GJA3: variants seen among roughly 807,000 people sequenced by gnomAD.
GJA3 encodes the protein gap junction protein alpha 3, also known as gap junction alpha-3 protein.
For missense variants in GJA3, 571 were observed against 620.3 expected (o/e 0.92, Z 0.84); for synonymous variants, 297 against 292.6 (o/e 1.02, Z -0.15).
In GJA3 at chr13:20,139,224, A is replaced by G. The variant is rs1264532359; in HGVS notation, c.*2757T>C. On this transcript the variant is annotated 3_prime_UTR_variant, in exon 2 of 2. Coordinates refer to ENST00000241125, the MANE Select transcript of GJA3 (RefSeq NM_021954.4). ...AACATTTTATAAAAACAGGGATATA[A>G]GAAGTAATTGTATACAGCAGCTTAA... 6.6e-6 allele frequency: 1 copy of G among 152,150 alleles called. No individual in the cohort carries two copies. The highest frequency in any genetic ancestry group is 2.4e-5 in the African/African-American group (1 of 41,436). The allele number at this position is 152,150 out of a possible 1,614,324, so 9.4% of individuals were successfully genotyped here. A position where few individuals can be genotyped will look rare whatever the true frequency, so the allele number is the denominator to read the frequency against.
chr13:20,142,853 G>C lies in GJA3; in HGVS notation c.436C>G (p.Leu146Val). The change falls in exon 2 of 2, where the codon CTG becomes GTG. Residue 146 changes from leucine (L) to valine (V), a missense_variant. By Grantham distance (32) the Leu-to-Val change is conservative. Transcript: ENST00000241125. Reference protein sequence around the residue: ...RGRVRMAGALLRTYVFNIIFK... With the variant: ...RGRVRMAGALVRTYVFNIIFK... ...ATGATGTTGAAGACGTAGGTCCGCA[G>C]CAGCGCCCCGGCCATGCGCACCCTG... 1 of 1,612,350 alleles carries C rather than the reference G, an allele frequency of 6.2e-7. No homozygotes were observed. Among genetic ancestry groups the C allele is most frequent in the South Asian group, 1.1e-5 (1 of 90,922 alleles).
intron 1 of GJA3, among the ~76,000 whole-genome samples, chr13:20,145,107 G>C (rs1958834435): frequency 6.6e-6 from 1 of 152,172 alleles, no homozygotes; most frequent in Non-Finnish European, 1.5e-5. Flanking sequence ...GCTTGAACCT[G>C]GAAGGCAGAG....
At position 20,142,820 on chromosome 13, in the gene GJA3, T is replaced by A. The variant is rs1310959599; in HGVS notation, c.469A>T (p.Thr157Ser). ...GCGATGAAGCCCACCTCGAACAGCG[T>A]CTTGAAGATGATGTTGAAGACGTAG... Reference protein sequence around the residue: ...RTYVFNIIFKTLFEVGFIAGQ... With the variant: ...RTYVFNIIFKSLFEVGFIAGQ... The change falls in exon 2 of 2, where the codon ACG becomes TCG. Residue 157 changes from threonine to serine, a missense_variant. Thr to Ser is a moderately conservative substitution (Grantham distance 58, BLOSUM62 1). Transcript: ENST00000241125. 1 of 1,613,420 alleles carries A rather than the reference T, an allele frequency of 6.2e-7. No individual in the cohort carries two copies. Among genetic ancestry groups the A allele is most frequent in the Admixed American group, 1.7e-5 (1 of 60,018 alleles).
intron 1 of GJA3, among the ~76,000 whole-genome samples, chr13:20,153,791 A>T (rs908159503): frequency 3.2e-5 from 4 of 126,562 alleles, no homozygotes; most frequent in Admixed American, 7.9e-5. Flanking sequence ...ATAATAATAA[A>T]AAATTAAATT....
At chr13:20,154,888 T>C (rs1958898983) in intron 1 of GJA3, among the ~76,000 whole-genome samples, 1 of 152,228 alleles carries the variant, frequency 6.6e-6, no homozygotes, top group African/African-American at 2.4e-5. Flanking sequence ...CCTTGCTCTG[T>C]CACTCAGGAT....
chr13:20,151,068 T>G (rs1593337890), intron 1 of GJA3, among the ~76,000 whole-genome samples: 3 of 61,524 alleles, frequency 4.9e-5, no homozygotes, highest in Admixed American at 2.3e-4. Context: ...CCAGATGGGG[T>G]GGTGTGGGTG....
At chr13:20,146,163 C>A (rs1031146103) in intron 1 of GJA3, among the ~76,000 whole-genome samples, 7 of 152,228 alleles carry the variant, frequency 4.6e-5, no homozygotes, top group African/African-American at 1.7e-4. Flanking sequence ...GCAGTCTACA[C>A]GAGGTGCTGG....
chr13:20,144,941 G>C (rs1335716399), intron 1 of GJA3, among the ~76,000 whole-genome samples: 1 of 152,230 alleles, frequency 6.6e-6, no homozygotes, highest in Admixed American at 6.5e-5. Context: ...AGCACTTTGG[G>C]AGGCTAAGGC....
chr13:20,148,568 T>C (rs1566517220), intron 1 of GJA3, among the ~76,000 whole-genome samples: 1 of 152,164 alleles, frequency 6.6e-6, no homozygotes, highest in Non-Finnish European at 1.5e-5. Flanking sequence ...CTGATATCAC[T>C]TTGTAATCAT....
At chr13:20,157,416 CAGA>C (rs968071602) in intron 1 of GJA3, among the ~76,000 whole-genome samples, 3 of 152,192 alleles carry the variant, frequency 2.0e-5, no homozygotes, top group Non-Finnish European at 2.9e-5. Flanking sequence ...TCATTATCGA[CAGA>C]AGAAATATGG....
rs1358074056 is a variant in GJA3, at chr13:20,142,318, G to T, written c.971C>A (p.Thr324Asn). The T allele has an allele frequency of 2.5e-6, 4 of 1,573,998 alleles. No individual in the cohort carries two copies. The highest frequency in any genetic ancestry group is 3.7e-5 in the Admixed American group (2 of 54,284). ...LYNGHHHLLM[T>N]EQNWANQAAE... ...CGCCTGGTTGGCCCAGTTCTGCTCA[G>T]TCATCAGCAGGTGGTGGTGGCCGTT... is the stretch of plus-strand genomic sequence containing the variant. Residue 324 changes from threonine to asparagine, a missense_variant, in exon 2 of 2, where the codon ACT becomes AAT. Coordinates refer to ENST00000241125, the MANE Select transcript of GJA3 (RefSeq NM_021954.4).
Position 20,140,921 on chromosome 13 carries a change from C to A in GJA3, c.*1060G>T, listed in dbSNP as rs1281473205. 1 of 152,222 alleles carries A rather than the reference C, an allele frequency of 6.6e-6. No individual in the cohort carries two copies. Among genetic ancestry groups the A allele is most frequent in the Non-Finnish European group, 1.5e-5 (1 of 68,036 alleles). 9.4% of individuals were successfully genotyped at this position (152,222 alleles called of 1,614,324 possible). A position where few individuals can be genotyped will look rare whatever the true frequency, so the allele number is the denominator to read the frequency against. On this transcript the variant is annotated 3_prime_UTR_variant, in exon 2 of 2. Coordinates refer to ENST00000241125, the MANE Select transcript of GJA3 (RefSeq NM_021954.4). Reference sequence around the variant, plus strand: ...TCACTTTTCACTTCCCATTCAAAATCTTCAGAACTTCTATTTGAATGCACT... The same window carrying A: ...TCACTTTTCACTTCCCATTCAAAATATTCAGAACTTCTATTTGAATGCACT...
chr13:20,155,344 G>A (rs919606872), intron 1 of GJA3, among the ~76,000 whole-genome samples: 3 of 152,226 alleles, frequency 2.0e-5, no homozygotes, highest in Non-Finnish European at 4.4e-5. Flanking sequence ...TCCTATAGAA[G>A]AGTTTGGGAC....
upstream of GJA3, among the ~76,000 whole-genome samples, chr13:20,161,426 C>G (rs1003624225): frequency 1.8e-4 from 27 of 152,166 alleles, no homozygotes; most frequent in African/African-American, 5.5e-4. Context: ...AGCCCGCGCC[C>G]CGCTCGCGCC....
In GJA3 at chr13:20,142,386, G is replaced by T; in HGVS notation, c.903C>A (p.Ala301=). 6.6e-7 allele frequency: 1 copy of T among 1,526,116 alleles called. No individual in the cohort carries two copies. The highest frequency in any genetic ancestry group is 8.8e-7 in the Non-Finnish European group (1 of 1,137,270). The allele number at this position is 1,526,116 out of a possible 1,614,324, so 94.5% of individuals were successfully genotyped here. A position where few individuals can be genotyped will look rare whatever the true frequency, so the allele number is the denominator to read the frequency against. The change falls in exon 2 of 2, where the codon GCC becomes GCA. Residue 301 remains alanine, a synonymous_variant. Coordinates refer to ENST00000241125, the MANE Select transcript of GJA3 (RefSeq NM_021954.4). The part of the protein sequence containing the change: ...PPPAADFKLL[A]LTEARGKGQS... ...GGCCCTTTCCGCGCGCCTCGGTCAG[G>T]GCTAGCAGTTTGAAGTCCGCGGCTG...
rs1958816239 is a variant in GJA3, at chr13:20,142,510, C to T, written c.779G>A (p.Arg260Gln). ...GAACCCGATGGCAACGGCGGGCGGC[C>T]GGGAGCTGGGGGGCAGGGGCGGGGG... ...ADPPPLPPSS[R>Q]PPAVAIGFPP... Residue 260 changes from arginine (R) to glutamine (Q), a missense_variant, in exon 2 of 2, where the codon CGG (arginine) becomes CAG (glutamine). Coordinates refer to ENST00000241125, the MANE Select transcript of GJA3 (RefSeq NM_021954.4). 6 of 1,546,308 alleles carry T rather than the reference C, an allele frequency of 3.9e-6. No individual in the cohort carries two copies. The highest frequency in any genetic ancestry group is 1.2e-5 in the South Asian group (1 of 84,740).
chr13:20,150,413 G>A (rs1958870004), intron 1 of GJA3, among the ~76,000 whole-genome samples: 1 of 151,480 alleles, frequency 6.6e-6, no homozygotes, highest in Non-Finnish European at 1.5e-5. Flanking sequence ...AGGTGGTCTG[G>A]CAGTGTGGGG....
In GJA3 at chr13:20,158,602, T is replaced by G. The variant is rs191492709; in HGVS notation, c.-18+2288A>C. Reference sequence around the variant, plus strand: ...ACATCAACCATTACTTTTGGAGATGTACAGGAGTTTTAAAAAAGCAAGCAG... The same window carrying G: ...ACATCAACCATTACTTTTGGAGATGGACAGGAGTTTTAAAAAAGCAAGCAG... On this transcript the variant is annotated intron_variant, in intron 1 of 1. Transcript: ENST00000241125. Among the ~76,000 whole-genome samples, 234 of 152,044 alleles carry G rather than the reference T, an allele frequency of 1.5e-3. 1 individual carries two copies. Among genetic ancestry groups the G allele is most frequent in the African/African-American group, 5.5e-3 (227 of 41,472 alleles).
rs1338627112 is a variant in GJA3, at chr13:20,158,498, CATT to C, written c.-18+2389_-18+2391del. 7.9e-5 allele frequency among the ~76,000 whole-genome samples: 12 copies of C among 151,848 alleles called. No individual in the cohort carries two copies. The South Asian group carries it at 2.1e-3, about 26-fold the overall frequency. On this transcript the variant is annotated intron_variant, in intron 1 of 1. Coordinates refer to ENST00000241125, the MANE Select transcript of GJA3 (RefSeq NM_021954.4). ...GCTAATTAATTTTTATATCTAGTATCATTAGTTTGTTAACAGTAAATTTAAAGC... is the reference window on the plus strand; with the variant it reads ...GCTAATTAATTTTTATATCTAGTATCAGTTTGTTAACAGTAAATTTAAAGC...
Sources: allele counts gnomAD v4.1 joint callset (sites outside exome capture counted in the v4.1 genomes callset), GRCh38; gene constraint gnomAD v4.1.1; transcripts MANE v1.5; gene names NCBI Gene and HGNC (gene_info 2026-07-23, HGNC 2026-07-21).